The following ANO4 variants were observed in gnomAD, a reference collection of about 807,000 sequenced individuals.
ANO4 encodes anoctamin-4.
A neutral mutation model predicts 141.9 loss-of-function variants in ANO4; 69 were observed. That is an observed-to-expected ratio of 0.49 (90% CI 0.40 to 0.59). The LOEUF is 0.59. ANO4 is among the 20% of genes least tolerant of loss of function. ANO4 has a pLI of 0.00. For missense variants in ANO4, 894 were observed against 1,162.2 expected (o/e 0.77, Z 3.36); for synonymous variants, 350 against 394.3 (o/e 0.89, Z 1.33).
chr12:100,795,742 A>G (rs2135634592), intron 1 of ANO4, among the ~76,000 whole-genome samples: 1 of 152,354 alleles, frequency 6.6e-6, no homozygotes, highest in East Asian at 1.9e-4. Context: ...AGTTGACAAC[A>G]TAGTTTTGTC....
intron 3 of ANO4, among the ~76,000 whole-genome samples, chr12:100,743,548 AGATACTGGACTTTGGGATATACT>A (rs1300834155): frequency 6.6e-6 from 1 of 152,122 alleles, no homozygotes; most frequent in Non-Finnish European, 1.5e-5. Context: ...AGTTGCTACT[AGATACTGGACTTTGGGATATACT>A]GTAAGAATTC....
upstream of ANO4, among the ~76,000 whole-genome samples, chr12:100,790,162 A>G (rs1053289910): frequency 1.3e-5 from 2 of 152,224 alleles, no homozygotes; most frequent in African/African-American, 4.8e-5. Flanking sequence ...GAATAGCAAC[A>G]GGTGTAACCA....
intron 4 of ANO4, among the ~76,000 whole-genome samples, chr12:100,940,831 C>T (rs1228477788): frequency 6.6e-6 from 1 of 152,136 alleles, no homozygotes; most frequent in Admixed American, 6.5e-5. Flanking sequence ...GCCCAGTGAG[C>T]CCATACTTGA....
At chr12:100,723,638 A>G (rs534188666) in intron 1 of ANO4, among the ~76,000 whole-genome samples, 21 of 152,330 alleles carry the variant, frequency 1.4e-4, no homozygotes, top group African/African-American at 4.6e-4. Flanking sequence ...TTTCTGAGGA[A>G]CACACTCATG....
At chr12:100,959,029 A>G (rs1566057931) in intron 5 of ANO4, among the ~76,000 whole-genome samples, 2 of 152,000 alleles carry the variant, frequency 1.3e-5, no homozygotes, top group Admixed American at 6.6e-5. Context: ...GAGTTGGCCC[A>G]CTGTTACTTC....
chr12:101,091,515 G>A (rs2049773390), intron 17 of ANO4, among the ~76,000 whole-genome samples: 2 of 152,246 alleles, frequency 1.3e-5, no homozygotes, highest in Non-Finnish European at 1.5e-5. Flanking sequence ...AGGGATGACA[G>A]ACTAAAGGTT....
intron 9 of ANO4, among the ~76,000 whole-genome samples, chr12:101,024,251 G>A (rs902529565): frequency 5.9e-5 from 9 of 152,148 alleles, no homozygotes; most frequent in African/African-American, 2.2e-4. Context: ...TCAAATATTG[G>A]CTACTTTCTC....
chr12:101,068,674 T>A, intron 14 of ANO4: 1 of 1,310,734 alleles, frequency 7.6e-7, no homozygotes, highest in Non-Finnish European at 1.1e-6. Context: ...CCTTATTAAC[T>A]ATTAGAGTAG....
chr12:101,095,962 T>C (rs1217248181), intron 18 of ANO4, among the ~76,000 whole-genome samples: 1 of 152,146 alleles, frequency 6.6e-6, no homozygotes, highest in Non-Finnish European at 1.5e-5. Context: ...GATGGTGATA[T>C]GAATTAAAAC....
At chr12:101,014,464 C>T (rs897525182) in intron 8 of ANO4, among the ~76,000 whole-genome samples, 3 of 152,174 alleles carry the variant, frequency 2.0e-5, no homozygotes, top group Non-Finnish European at 4.4e-5. Flanking sequence ...CTGCCCATTA[C>T]TTCATGAGCA....
intron 14 of ANO4, among the ~76,000 whole-genome samples, chr12:101,077,689 A>G (rs1018070720): frequency 6.6e-6 from 1 of 152,212 alleles, no homozygotes; most frequent in Non-Finnish European, 1.5e-5. Context: ...GTACTCAAAT[A>G]CATTAGTATG....
chr12:101,087,453 G>A (rs2049553477), intron 17 of ANO4, among the ~76,000 whole-genome samples: 2 of 152,244 alleles, frequency 1.3e-5, no homozygotes, highest in East Asian at 1.9e-4. Context: ...GTTCAGGAAA[G>A]TGAAGGCTTC....
intron 2 of ANO4, among the ~76,000 whole-genome samples, chr12:100,917,496 C>A (rs1166921812): frequency 6.6e-6 from 1 of 152,144 alleles, no homozygotes; most frequent in African/African-American, 2.4e-5. Flanking sequence ...TAAATAAAAT[C>A]AGTAGTACGA....
chr12:100,887,717 A>G (rs1482913989), intron 1 of ANO4, among the ~76,000 whole-genome samples: 1 of 152,244 alleles, frequency 6.6e-6, no homozygotes, highest in East Asian at 1.9e-4. Flanking sequence ...ACAAATATTT[A>G]TTAAATGAAT....
intron 2 of ANO4, among the ~76,000 whole-genome samples, chr12:100,736,599 A>G (rs1348560135): frequency 2.6e-5 from 4 of 152,152 alleles, no homozygotes; most frequent in African/African-American, 9.7e-5. Flanking sequence ...GTATCCCCCA[A>G]AAAGGTACTT....
chr12:100,958,709 G>A (rs2043276984), intron 5 of ANO4, among the ~76,000 whole-genome samples: 1 of 152,072 alleles, frequency 6.6e-6, no homozygotes, highest in African/African-American at 2.4e-5. Flanking sequence ...TTAGCCAGGT[G>A]TATTGGTGCA....
At chr12:100,925,824 C>CATACAT (rs1566018117) in intron 3 of ANO4, among the ~76,000 whole-genome samples, 4 of 144,874 alleles carry the variant, frequency 2.8e-5, no homozygotes, top group African/African-American at 7.5e-5. Context: ...TACATACATA[C>CATACAT]ATATATATAC....
intron 5 of ANO4, among the ~76,000 whole-genome samples, chr12:100,946,127 G>A (rs2042709979): frequency 6.6e-6 from 1 of 152,152 alleles, no homozygotes. Flanking sequence ...TGCCTGGTGT[G>A]TTCATGGAAC....
intron 2 of ANO4, among the ~76,000 whole-genome samples, chr12:100,917,895 A>G (rs1343643388): frequency 6.6e-6 from 1 of 152,222 alleles, no homozygotes; most frequent in Admixed American, 6.5e-5. Context: ...AAAATCTGTT[A>G]TATTAAATTG....
Sources: gnomAD v4.1 joint callset for allele counts (sites outside exome capture counted in the v4.1 genomes callset) on GRCh38, gnomAD v4.1.1 for gene constraint, MANE v1.5 for transcripts, NCBI Gene and HGNC (gene_info 2026-07-23, HGNC 2026-07-21) for gene names.